MARCHF1: variants seen among roughly 807,000 people sequenced by gnomAD.
MARCHF1 encodes the protein membrane associated ring-CH-type finger 1.
Under a neutral mutation model 54.2 loss-of-function variants are expected in MARCHF1, and 40 were observed. The observed-to-expected ratio is 0.74, with a 90% CI of 0.57 to 0.96. The LOEUF is 0.96. Among genes scored for constraint, MARCHF1 ranks in the 40% least tolerant of loss-of-function variants. MARCHF1 has a pLI of 0.00. For missense variants in MARCHF1, 586 were observed against 656.5 expected (o/e 0.89, Z 1.17); for synonymous variants, 236 against 236.3 (o/e 1.00, Z 0.01).
rs148383285 is a variant in MARCHF1, at chr4:163,901,426, C to T, written c.-38-47257G>A. ...ATGAATGCAGTTGTCTTCATTAACA[C>T]TTTGTCACCTGTCTTATAGGCATAG... On this transcript the variant is annotated intron_variant, in intron 3 of 9. Coordinates refer to ENST00000514618, the MANE Select transcript of MARCHF1 (RefSeq NM_001394959.1). 5.9e-3 allele frequency among the ~76,000 whole-genome samples: 901 copies of T among 152,246 alleles called. 7 individuals carry two copies. The highest frequency in any genetic ancestry group is 9.9e-3 in the Non-Finnish European group (673 of 68,006).
At chr4:163,750,533 T>TAAAC (rs1282630681) in intron 4 of MARCHF1, among the ~76,000 whole-genome samples, 1 of 150,330 alleles carries the variant, frequency 6.7e-6, no homozygotes, top group Non-Finnish European at 1.5e-5. Flanking sequence ...AATAAATAAA[T>TAAAC]AAATAAATAA....
At chr4:163,708,540 T>A (rs927252080) in intron 4 of MARCHF1, among the ~76,000 whole-genome samples, 10 of 152,154 alleles carry the variant, frequency 6.6e-5, no homozygotes, top group Non-Finnish European at 1.2e-4. Context: ...AAAAAATGAA[T>A]TGGATCTCTG....
intron 3 of MARCHF1, among the ~76,000 whole-genome samples, chr4:163,912,891 A>G (rs1306059705): frequency 6.6e-6 from 1 of 152,248 alleles, no homozygotes; most frequent in Non-Finnish European, 1.5e-5. Context: ...AAAAAATACG[A>G]AGAGCTTCAT....
chr4:164,330,904 A>G (rs892857687), intron 1 of MARCHF1, among the ~76,000 whole-genome samples: 1 of 152,224 alleles, frequency 6.6e-6, no homozygotes, highest in Non-Finnish European at 1.5e-5. Context: ...AGCCCTAGAT[A>G]TAATGACGCT....
intron 3 of MARCHF1, among the ~76,000 whole-genome samples, chr4:163,886,543 A>G (rs996276890): frequency 6.6e-6 from 1 of 152,270 alleles, no homozygotes; most frequent in East Asian, 1.9e-4. Context: ...CTAGGATTAG[A>G]TAAGTGCAAT....
chr4:164,223,593 C>A (rs1443402719), intron 1 of MARCHF1, among the ~76,000 whole-genome samples: 1 of 151,862 alleles, frequency 6.6e-6, no homozygotes, highest in Non-Finnish European at 1.5e-5. Flanking sequence ...TATTGTAAAT[C>A]TTGGCAGATA....
intron 4 of MARCHF1, among the ~76,000 whole-genome samples, chr4:163,745,108 T>C (rs1423860996): frequency 6.7e-6 from 1 of 149,812 alleles, no homozygotes; most frequent in Non-Finnish European, 1.5e-5. Flanking sequence ...TTTCTTTTTC[T>C]TTCTTTCTTT....
At chr4:163,659,201 T>C (rs532837538) in intron 5 of MARCHF1, among the ~76,000 whole-genome samples, 1 of 152,126 alleles carries the variant, frequency 6.6e-6, no homozygotes, top group East Asian at 1.9e-4. Context: ...TAAATGTTCC[T>C]AAATCTAAGG....
At chr4:164,337,262 C>T (rs1027167645) in intron 1 of MARCHF1, among the ~76,000 whole-genome samples, 2 of 152,078 alleles carry the variant, frequency 1.3e-5, no homozygotes, top group Non-Finnish European at 2.9e-5. Context: ...TGGGTGTCCC[C>T]CAAAGAAGTT....
chr4:164,063,199 C>CTGGTGACT (rs1754658184), intron 2 of MARCHF1, among the ~76,000 whole-genome samples: 1 of 152,186 alleles, frequency 6.6e-6, no homozygotes, highest in Admixed American at 6.5e-5. Flanking sequence ...AATTTAAAGT[C>CTGGTGACT]ACCAGCTGCA....
chr4:164,213,835 G>T (rs1201378847), intron 1 of MARCHF1, among the ~76,000 whole-genome samples: 3 of 151,538 alleles, frequency 2.0e-5, no homozygotes, highest in African/African-American at 7.3e-5. Context: ...TCTAATTTGG[G>T]GTTTTGGAGT....
chr4:163,541,784 A>G (rs1187262823), intron 9 of MARCHF1, among the ~76,000 whole-genome samples: 3 of 152,224 alleles, frequency 2.0e-5, no homozygotes, highest in African/African-American at 4.8e-5. Flanking sequence ...TAAGTTAGGC[A>G]ATTTTTTCCC....
At chr4:163,894,931 CATAT>C (rs67520399) in intron 3 of MARCHF1, among the ~76,000 whole-genome samples, 1 of 6,834 alleles carries the variant, frequency 1.5e-4, no homozygotes, top group African/African-American at 2.6e-4. Flanking sequence ...GCATGTGATG[CATAT>C]ATATATATGC....
intron 3 of MARCHF1, among the ~76,000 whole-genome samples, chr4:163,955,501 C>G (rs190691117): frequency 6.6e-6 from 1 of 152,074 alleles, no homozygotes; most frequent in African/African-American, 2.4e-5. Context: ...AACTCATACA[C>G]TCACTCCACA....
At chr4:164,114,805 A>G (rs1755908004) in intron 1 of MARCHF1, among the ~76,000 whole-genome samples, 1 of 151,760 alleles carries the variant, frequency 6.6e-6, no homozygotes, top group Non-Finnish European at 1.5e-5. Context: ...AATTACCAAA[A>G]AAAAAAAAGG....
chr4:164,203,373 G>A (rs1731508752), intron 1 of MARCHF1, among the ~76,000 whole-genome samples: 1 of 152,092 alleles, frequency 6.6e-6, no homozygotes. Flanking sequence ...TTCTATTGTG[G>A]AGGATTGGTA....
At chr4:163,599,108 C>T (rs560248917) in intron 7 of MARCHF1, among the ~76,000 whole-genome samples, 5 of 151,780 alleles carry the variant, frequency 3.3e-5, no homozygotes, top group Admixed American at 1.3e-4. Context: ...GCCAACATGA[C>T]GAAACCCCGT....
At chr4:164,310,140 C>T (rs1371224260) in intron 1 of MARCHF1, among the ~76,000 whole-genome samples, 1 of 151,852 alleles carries the variant, frequency 6.6e-6, no homozygotes, top group African/African-American at 2.4e-5. Flanking sequence ...TGCAGTGGCG[C>T]CATCTCGGCT....
At chr4:163,822,409 T>C (rs970735872) in intron 4 of MARCHF1, among the ~76,000 whole-genome samples, 1 of 151,930 alleles carries the variant, frequency 6.6e-6, no homozygotes, top group Non-Finnish European at 1.5e-5. Context: ...AAGTACTAAA[T>C]TTTAAGCCAG....
Sources: gnomAD v4.1 joint callset for allele counts (sites outside exome capture counted in the v4.1 genomes callset) on GRCh38, gnomAD v4.1.1 for gene constraint, MANE v1.5 for transcripts, NCBI Gene and HGNC (gene_info 2026-07-23, HGNC 2026-07-21) for gene names.